The following TMEM266 variants were observed in gnomAD, a reference collection of about 807,000 sequenced individuals.
The protein encoded by TMEM266 is transmembrane protein 266.
TMEM266 carries 33 observed loss-of-function variants against 50.5 expected under a neutral mutation model. The ratio of observed to expected loss-of-function variants is 0.65; its 90% CI spans 0.50 to 0.87. TMEM266 has a LOEUF of 0.87. TMEM266 is among the 40% of genes least tolerant of loss of function. The pLI is 0.00. For synonymous variants in TMEM266, 310 were observed against 292.3 expected, an observed-to-expected ratio of 1.06 and a Z score of -0.62; for missense variants, 655 against 695.1, an observed-to-expected ratio of 0.94 and a Z score of 0.65.
intron 5 of TMEM266, among the ~76,000 whole-genome samples, chr15:76,167,611 C>T (rs1441500571): frequency 1.3e-5 from 2 of 152,034 alleles, no homozygotes; most frequent in Non-Finnish European, 2.9e-5. Flanking sequence ...AAGCAATTCT[C>T]CTGCCTCAGC....
rs57465474 is a variant in TMEM266, at chr15:76,073,233, C to CTT, written c.-97+13231_-97+13232dup. The stretch of plus-strand genomic sequence containing the variant: ...GGCATGGGCCACCTTGCCCGGCCTT[C>CTT]TTTTTTTTTTTTTTTGTGAGACTAA... On this transcript the variant is annotated intron_variant, in intron 1 of 10. Transcript: ENST00000388942. Among the ~76,000 whole-genome samples, 18 of 135,120 alleles carry CTT rather than the reference C, an allele frequency of 1.3e-4. No homozygotes were observed. The East Asian group carries it at 2.0e-3, about 15-fold the overall frequency. 88.6% of individuals were successfully genotyped at this position (135,120 alleles called of 152,430 possible).
At chr15:76,108,053 C>A (rs1000461090) in intron 1 of TMEM266, among the ~76,000 whole-genome samples, 7 of 152,242 alleles carry the variant, frequency 4.6e-5, no homozygotes, top group African/African-American at 1.4e-4. Flanking sequence ...GGTGGCAGAG[C>A]AGCTGAGCCT....
intron 9 of TMEM266, among the ~76,000 whole-genome samples, chr15:76,194,433 C>T (rs951334757): frequency 1.3e-5 from 2 of 152,222 alleles, no homozygotes; most frequent in Non-Finnish European, 2.9e-5. Flanking sequence ...ATGCCACTCC[C>T]CGACTTCCAC....
chr15:76,079,455 ACCTCAACTAGTTACCTCTG>A (rs2036652238), intron 1 of TMEM266, among the ~76,000 whole-genome samples: 2 of 141,204 alleles, frequency 1.4e-5, no homozygotes, highest in Non-Finnish European at 3.0e-5. Context: ...ATCTAGTATG[ACCTCAACTAGTTACCTCTG>A]CAAAGATACT....
intron 1 of TMEM266, among the ~76,000 whole-genome samples, chr15:76,119,616 A>T (rs1205874313): frequency 6.6e-6 from 1 of 151,912 alleles, no homozygotes; most frequent in East Asian, 1.9e-4. Flanking sequence ...AAAATACAAA[A>T]ATTAGCCAGG....
intron 9 of TMEM266, among the ~76,000 whole-genome samples, chr15:76,194,024 T>C (rs1352614112): frequency 6.6e-6 from 1 of 151,728 alleles, no homozygotes; most frequent in Non-Finnish European, 1.5e-5. Context: ...CACTACTGCT[T>C]TTTTTTTTCT....
rs528814929 is a variant in TMEM266 at position 76,156,111 on chromosome 15, A to G, written c.228-493A>G. 2.0e-5 allele frequency among the ~76,000 whole-genome samples: 3 copies of G among 152,330 alleles called. No individual in the cohort carries two copies. The South Asian group carries it at 6.2e-4, about 32-fold the overall frequency. On this transcript the variant is annotated intron_variant, in intron 3 of 10. Transcript: ENST00000388942. The stretch of plus-strand genomic sequence containing the variant: ...AGCAGTGGCTCATTCCTGTAATCCC[A>G]GCACTTTGGAAGGCCGAGGTGGGCA...
intron 1 of TMEM266, among the ~76,000 whole-genome samples, chr15:76,063,359 C>T (rs2959848): frequency 0.041 from 6,250 of 152,220 alleles, 451 homozygotes; most frequent in African/African-American, 0.14. Context: ...CCTTTTGCAC[C>T]CTGACTGCAA....
At chr15:76,094,160 G>GTT (rs1391669483) in intron 1 of TMEM266, among the ~76,000 whole-genome samples, 2 of 151,912 alleles carry the variant, frequency 1.3e-5, no homozygotes, top group Non-Finnish European at 2.9e-5. Context: ...TTGCCATTGC[G>GTT]TTTGGTGTTT....
intron 1 of TMEM266, among the ~76,000 whole-genome samples, chr15:76,128,670 G>A (rs1175360910): frequency 3.3e-5 from 5 of 152,200 alleles, no homozygotes; most frequent in Admixed American, 1.3e-4. Flanking sequence ...CATTCCCATC[G>A]TCATAGGGAA....
At position 76,169,881 on chromosome 15, in the gene TMEM266, C is replaced by T; in HGVS notation, c.513+9C>T. The T allele has an allele frequency of 1.9e-6, 3 of 1,612,106 alleles. No individual in the cohort carries two copies. Among genetic ancestry groups the T allele is most frequent in the South Asian group, 2.2e-5 (2 of 91,022 alleles). On this transcript the variant is annotated intron_variant, in intron 6 of 10. Transcript: ENST00000388942. ...TCGAAAACAAAATAGAGGTAAAGAC[C>T]AATGTCCACCCCCAAAGCCCCCACT...
chr15:76,082,982 C>A (rs2036717999), intron 1 of TMEM266, among the ~76,000 whole-genome samples: 1 of 151,322 alleles, frequency 6.6e-6, no homozygotes, highest in Admixed American at 6.6e-5. Flanking sequence ...ACAACAACAA[C>A]AACAACAACA....
rs547797899 is a variant in TMEM266, at chr15:76,191,953, C to G, written c.769-15C>G. The G allele has an allele frequency of 4.5e-6, 7 of 1,572,948 alleles. No homozygotes were observed. The highest frequency in any genetic ancestry group is 1.4e-5 in the African/African-American group (1 of 71,028). On this transcript the variant is annotated splice_polypyrimidine_tract_variant and intron_variant, in intron 8 of 10. Coordinates refer to ENST00000388942, the MANE Select transcript of TMEM266 (RefSeq NM_152335.3). ...CCCTCGCCGCTGATTCAGCCTTGCC[C>G]GTCTCCCTCCGCAGTTTGAGATCCG...
intron 5 of TMEM266, among the ~76,000 whole-genome samples, chr15:76,163,581 C>T (rs973456407): frequency 6.6e-6 from 1 of 152,226 alleles, no homozygotes; most frequent in Non-Finnish European, 1.5e-5. Flanking sequence ...TCCTCCAAAG[C>T]GCAGCCCCGC....
chr15:76,069,710 C>T (rs1209205041), intron 1 of TMEM266, among the ~76,000 whole-genome samples: 2 of 151,860 alleles, frequency 1.3e-5, no homozygotes, highest in African/African-American at 2.4e-5. Flanking sequence ...CACAGCTACT[C>T]GGGAGGCTGA....
chr15:76,081,167 G>A (rs149928863), intron 1 of TMEM266, among the ~76,000 whole-genome samples: 217 of 152,294 alleles, frequency 1.4e-3, no homozygotes, highest in African/African-American at 4.8e-3. Flanking sequence ...CTTGGCGTTC[G>A]TGTACCGAGT....
intron 9 of TMEM266, among the ~76,000 whole-genome samples, chr15:76,194,909 G>T (rs1319505413): frequency 6.6e-6 from 1 of 152,094 alleles, no homozygotes; most frequent in Non-Finnish European, 1.5e-5. Context: ...ATGAAGAGGG[G>T]GTACCCATTC....
In TMEM266 at chr15:76,182,452, C is replaced by T. The variant is rs540656571; in HGVS notation, c.768+6778C>T. Among the ~76,000 whole-genome samples, 18 of 151,466 alleles carry T rather than the reference C, an allele frequency of 1.2e-4. No homozygotes were observed. In the East Asian group the frequency reaches 3.1e-3, roughly 26 times the overall value. On this transcript the variant is annotated intron_variant, in intron 8 of 10. Coordinates refer to ENST00000388942, the MANE Select transcript of TMEM266 (RefSeq NM_152335.3). ...GAGGTCGAGACCATCCTGGCTAACACGGTGAAACCCCGTCTCTACTAAAAA... is the reference window on the plus strand; with the variant it reads ...GAGGTCGAGACCATCCTGGCTAACATGGTGAAACCCCGTCTCTACTAAAAA...
intron 1 of TMEM266, among the ~76,000 whole-genome samples, chr15:76,090,560 A>G (rs1042710595): frequency 3.3e-5 from 5 of 152,078 alleles, no homozygotes; most frequent in African/African-American, 1.2e-4. Context: ...AAAGGAAACA[A>G]AAAGAGAGGA....
Sources: gnomAD v4.1 joint callset for allele counts (sites outside exome capture counted in the v4.1 genomes callset) on GRCh38, gnomAD v4.1.1 for gene constraint, MANE v1.5 for transcripts, NCBI Gene and HGNC (gene_info 2026-07-23, HGNC 2026-07-21) for gene names.